PPP2R2D: variants seen among roughly 807,000 people sequenced by gnomAD.
PPP2R2D encodes serine/threonine-protein phosphatase 2A 55 kDa regulatory subunit B delta isoform.
In PPP2R2D, 9 loss-of-function variants were observed where a neutral mutation model predicts 31.1. That is an observed-to-expected ratio of 0.29 (90% CI 0.17 to 0.51). The LOEUF (loss-of-function observed/expected upper bound fraction) is 0.51, where lower values mean the gene tolerates loss of function less well. Ranked by LOEUF, PPP2R2D falls within the 20% of genes least tolerant of loss-of-function variation. PPP2R2D has a pLI of 0.98. For missense variants in PPP2R2D, 391 were observed against 465.6 expected, an observed-to-expected ratio of 0.84 and a Z score of 1.48; for synonymous variants, 179 against 172.6, an observed-to-expected ratio of 1.04 and a Z score of -0.29.
At chr10:131,922,202 A>C (rs1356703202) in intron 2 of PPP2R2D, among the ~76,000 whole-genome samples, 1 of 152,236 alleles carries the variant, frequency 6.6e-6, no homozygotes, top group Non-Finnish European at 1.5e-5. Flanking sequence ...TAAAAGATTG[A>C]CCGTTTCTCT....
chr10:131,927,595 G>C (rs115733447), intron 2 of PPP2R2D, among the ~76,000 whole-genome samples: 5 of 152,138 alleles, frequency 3.3e-5, no homozygotes, highest in African/African-American at 1.2e-4. Flanking sequence ...AAGACCCCCA[G>C]TAAATACCCA....
At chr10:131,963,705 G>A (rs1554901811), downstream of PPP2R2D, among the ~76,000 whole-genome samples, 1 of 152,248 alleles carries the variant, frequency 6.6e-6, no homozygotes, top group South Asian at 2.1e-4. Flanking sequence ...CCCCAGTCCA[G>A]GGACCACACT....
At chr10:131,946,569 G>GT (rs2036545592) in intron 7 of PPP2R2D, among the ~76,000 whole-genome samples, 8 of 152,206 alleles carry the variant, frequency 5.3e-5, no homozygotes, top group Admixed American at 5.2e-4. Flanking sequence ...ATGAGGATGA[G>GT]TGTTTCGTAG....
chr10:131,956,498 G>A lies in PPP2R2D; in HGVS notation c.*535G>A, dbSNP rs374449584. On this transcript the variant is annotated 3_prime_UTR_variant, in exon 9 of 9. Transcript: ENST00000455566. ...CCACAGCATCCGCCGCCACCCCTTC[G>A]GGTGTGAGCGCTCAATAAAAACAAC... 4.2e-5 allele frequency: 41 copies of A among 985,478 alleles called. No homozygotes were observed. Among genetic ancestry groups the A allele is most frequent in the South Asian group, 1.9e-4 (4 of 21,274 alleles). 61.0% of individuals were successfully genotyped at this position (985,478 alleles called of 1,614,324 possible). A position where few individuals can be genotyped will look rare whatever the true frequency, so the allele number is the denominator to read the frequency against.
intron 2 of PPP2R2D, among the ~76,000 whole-genome samples, chr10:131,922,653 G>T (rs1234331389): frequency 6.6e-6 from 1 of 151,784 alleles, no homozygotes; most frequent in African/African-American, 2.4e-5. Context: ...TCTCTATGTT[G>T]GCCAGGCTGG....
the PPP2R2D span, chr10:131,967,908 A>C: frequency 6.6e-6 from 1 of 152,296 alleles, no homozygotes; most frequent in African/African-American, 2.4e-5. Flanking sequence ...CGGAGACTTA[A>C]TTCCTTATAA....
intron 8 of PPP2R2D, among the ~76,000 whole-genome samples, chr10:131,953,913 T>A (rs1279435416): frequency 6.6e-6 from 1 of 152,172 alleles, no homozygotes; most frequent in Non-Finnish European, 1.5e-5. Flanking sequence ...GCGTTCCCAG[T>A]AACATTTGCT....
chr10:131,944,377 A>G (rs2036497220), intron 6 of PPP2R2D, among the ~76,000 whole-genome samples: 1 of 152,212 alleles, frequency 6.6e-6, no homozygotes, highest in South Asian at 2.1e-4. Context: ...CCTGAAGTCC[A>G]CTGCCTGCCT....
chr10:131,945,942 G>A lies in PPP2R2D; in HGVS notation c.820+483G>A, dbSNP rs2036530991. 6.4e-6 allele frequency: 1 copy of A among 156,148 alleles called. No homozygotes were observed. The highest frequency in any genetic ancestry group is 1.4e-5 in the Non-Finnish European group (1 of 70,258). The allele number at this position is 156,148 out of a possible 1,614,324, so 9.7% of individuals were successfully genotyped here. On this transcript the variant is annotated intron_variant, in intron 7 of 8. Transcript: ENST00000455566. This position sits in a 1 kb window ranked among gnomAD's most constrained non-coding sequence, Gnocchi z 4.8. Reference sequence around the variant, plus strand: ...GGAACTCGAGGTCATGCTTCCCACAGGCTTATGGCTGTAGGGTGAGTGTGC... The same window carrying A: ...GGAACTCGAGGTCATGCTTCCCACAAGCTTATGGCTGTAGGGTGAGTGTGC...
intron 2 of PPP2R2D, chr10:131,911,436 T>C (rs1456078763): frequency 6.6e-6 from 1 of 152,268 alleles, no homozygotes; most frequent in Non-Finnish European, 1.5e-5. Context: ...AAAGTTCTTT[T>C]GTGGCACATT....
chr10:131,940,040 C>T lies in PPP2R2D; in HGVS notation c.208C>T (p.Arg70Cys), dbSNP rs782131911. 1.5e-5 allele frequency: 11 copies of T among 738,650 alleles called. No individual in the cohort carries two copies. Among genetic ancestry groups the T allele is most frequent in the Non-Finnish European group, 2.3e-5 (9 of 398,848 alleles). 45.8% of individuals were successfully genotyped at this position (738,650 alleles called of 1,614,324 possible). A position where few individuals can be genotyped will look rare whatever the true frequency, so the allele number is the denominator to read the frequency against. Residue 70 changes from arginine to cysteine, a missense_variant, in exon 4 of 9, where the codon CGC becomes TGC. Physicochemically the swap from Arg to Cys is radical, Grantham distance 180 (BLOSUM62 -3). This residue lies in a region of PPP2R2D where 105 missense variants were observed against 98.5 expected (regional missense o/e 1.07). Transcript: ENST00000455566. Reference protein sequence around the residue: ...IFQREQENKSRPHSRGEYNVY... With the variant: ...IFQREQENKSCPHSRGEYNVY... ...TCATGTTTCCTTGCAGAATAAAAGCCGCCCTCATTCTAGGGGAGAATATAA... is the reference window on the plus strand; with the variant it reads ...TCATGTTTCCTTGCAGAATAAAAGCTGCCCTCATTCTAGGGGAGAATATAA...
intron 8 of PPP2R2D, among the ~76,000 whole-genome samples, chr10:131,953,979 G>T (rs1238262143): frequency 6.6e-6 from 1 of 152,204 alleles, no homozygotes; most frequent in African/African-American, 2.4e-5. Context: ...CTTCTGTTGA[G>T]GGATGCGATG....
At chr10:131,951,666 C>G (rs1292191257) in intron 8 of PPP2R2D, among the ~76,000 whole-genome samples, 1 of 152,094 alleles carries the variant, frequency 6.6e-6, no homozygotes, top group South Asian at 2.1e-4. Context: ...ACTAGAAATA[C>G]AAAAATTAGC....
chr10:131,919,854 GAC>G (rs1449560797), intron 2 of PPP2R2D, among the ~76,000 whole-genome samples: 6 of 134,912 alleles, frequency 4.4e-5, no homozygotes, highest in East Asian at 5.4e-4. Context: ...TGGGTGGAAT[GAC>G]ACAGTGTTTG....
intron 8 of PPP2R2D, among the ~76,000 whole-genome samples, chr10:131,951,868 A>G (rs1554898803): frequency 1.3e-5 from 2 of 152,134 alleles, no homozygotes; most frequent in African/African-American, 4.8e-5. Context: ...GTGTGTGGGG[A>G]TGACACATAT....
intron 2 of PPP2R2D, among the ~76,000 whole-genome samples, chr10:131,904,650 G>T (rs938747141): frequency 3.9e-5 from 6 of 152,136 alleles, no homozygotes; most frequent in Admixed American, 2.6e-4. Flanking sequence ...GTTTTGTTCT[G>T]GGCCAAGTTC....
intron 2 of PPP2R2D, among the ~76,000 whole-genome samples, chr10:131,902,835 C>T (rs1249302502): frequency 2.0e-5 from 3 of 152,252 alleles, no homozygotes; most frequent in African/African-American, 7.2e-5. Context: ...TCACTGCAAC[C>T]TCTGCCTCCT....
chr10:131,942,759 A>T (rs2036463490), intron 5 of PPP2R2D, among the ~76,000 whole-genome samples: 1 of 152,176 alleles, frequency 6.6e-6, no homozygotes, highest in Non-Finnish European at 1.5e-5. Flanking sequence ...TAAAAGAAGG[A>T]ATCTTTGTAA....
chr10:131,914,787 T>G (rs530903724), intron 2 of PPP2R2D, among the ~76,000 whole-genome samples: 4 of 152,138 alleles, frequency 2.6e-5, no homozygotes, highest in African/African-American at 7.2e-5. Context: ...ACATCGGGGG[T>G]GCCTGTGGGG....
Sources: allele counts gnomAD v4.1 joint callset (sites outside exome capture counted in the v4.1 genomes callset), GRCh38; gene constraint gnomAD v4.1.1; regional missense constraint gnomAD v4.1.1; non-coding constraint Gnocchi (gnomAD v3.1); transcripts MANE v1.5; gene names NCBI Gene and HGNC (gene_info 2026-07-23, HGNC 2026-07-21).